The following BRD10 variants were observed in gnomAD, a reference collection of about 807,000 sequenced individuals.
BRD10 encodes bromodomain containing 10, also known as uncharacterized bromodomain-containing protein 10.
At chr9:5,999,425 T>C in the BRD10 span, among the ~76,000 whole-genome samples, 1 of 152,272 alleles carries the variant, frequency 6.6e-6, no homozygotes, top group East Asian at 1.9e-4. Flanking sequence ...GCAATACTTT[T>C]AACTCGGAAG....
At chr9:5,980,367 A>G in the BRD10 span, among the ~76,000 whole-genome samples, 9 of 152,206 alleles carry the variant, frequency 5.9e-5, no homozygotes, top group Non-Finnish European at 8.8e-5. Context: ...TCTGTTCAAC[A>G]GGCCATCACT....
chr9:5,956,851 A>C, the BRD10 span, among the ~76,000 whole-genome samples: 1 of 152,112 alleles, frequency 6.6e-6, no homozygotes, highest in Non-Finnish European at 1.5e-5. Context: ...ATTATTGGTG[A>C]CAGAAATCAC....
the BRD10 span, among the ~76,000 whole-genome samples, chr9:5,901,824 A>G: frequency 6.6e-5 from 10 of 152,164 alleles, no homozygotes; most frequent in African/African-American, 2.2e-4. Flanking sequence ...GCCTGGCCTG[A>G]TTTCTCAATA....
At chr9:5,984,443 AAAC>A in the BRD10 span, among the ~76,000 whole-genome samples, 2 of 152,226 alleles carry the variant, frequency 1.3e-5, no homozygotes, top group South Asian at 2.1e-4. Flanking sequence ...TGAAAAAATA[AAAC>A]AACGAGGCAG....
the BRD10 span, among the ~76,000 whole-genome samples, chr9:5,897,086 T>A: frequency 1.3e-4 from 20 of 152,228 alleles, no homozygotes; most frequent in African/African-American, 4.6e-4. Context: ...GTGTCTACCC[T>A]CCAGTGTTGA....
At chr9:5,925,054 A>C in the BRD10 span, among the ~76,000 whole-genome samples, 1 of 152,160 alleles carries the variant, frequency 6.6e-6, no homozygotes, top group East Asian at 1.9e-4. Flanking sequence ...AGAAACTTGA[A>C]ACTTAAAAAA....
At chr9:5,918,815 CAA>C in the BRD10 span, among the ~76,000 whole-genome samples, 2,881 of 104,848 alleles carry the variant, frequency 0.027, 67 homozygotes, top group African/African-American at 0.078. Flanking sequence ...ACAGGTGAGT[CAA>C]AAAAAAAAAA....
At chr9:5,901,491 T>G in the BRD10 span, among the ~76,000 whole-genome samples, 1 of 152,212 alleles carries the variant, frequency 6.6e-6, no homozygotes, top group Non-Finnish European at 1.5e-5. Flanking sequence ...TCTTCTTTAG[T>G]CTATTGATGT....
At chr9:5,922,473 G>C in the BRD10 span, 2 of 1,613,998 alleles carry the variant, frequency 1.2e-6, no homozygotes, top group South Asian at 2.2e-5. Context: ...TTTGATAAAG[G>C]TGTAATTGTT....
the BRD10 span, among the ~76,000 whole-genome samples, chr9:5,939,590 G>T: frequency 6.6e-6 from 1 of 152,144 alleles, no homozygotes; most frequent in African/African-American, 2.4e-5. Context: ...TCTCTATGAT[G>T]GGATCTGGTA....
the BRD10 span, among the ~76,000 whole-genome samples, chr9:5,927,767 G>C: frequency 6.6e-6 from 1 of 152,022 alleles, no homozygotes; most frequent in Non-Finnish European, 1.5e-5. Flanking sequence ...CTCCTTCAAA[G>C]TCTCTTCTAC....
At chr9:5,887,549 A>G in the BRD10 span, among the ~76,000 whole-genome samples, 1 of 152,192 alleles carries the variant, frequency 6.6e-6, no homozygotes, top group Admixed American at 6.5e-5. Flanking sequence ...CCAGGCTATT[A>G]TAGAACCCAG....
the BRD10 span, among the ~76,000 whole-genome samples, chr9:5,957,679 TTGGA>T: frequency 6.6e-5 from 10 of 152,150 alleles, no homozygotes; most frequent in Non-Finnish European, 7.4e-5. Flanking sequence ...TTTATTAGGG[TTGGA>T]TGATTTGTAC....
chr9:5,951,057 C>G, the BRD10 span, among the ~76,000 whole-genome samples: 488 of 150,896 alleles, frequency 3.2e-3, 3 homozygotes, highest in African/African-American at 0.012. Context: ...CACACACACA[C>G]ACACACACAC....
the BRD10 span, among the ~76,000 whole-genome samples, chr9:5,896,100 TG>T: frequency 6.6e-6 from 1 of 152,206 alleles, no homozygotes; most frequent in Non-Finnish European, 1.5e-5. Flanking sequence ...CAAATTCTGG[TG>T]CTCACTTGCT....
the BRD10 span, among the ~76,000 whole-genome samples, chr9:5,892,267 G>C: frequency 1.3e-5 from 2 of 152,140 alleles, no homozygotes; most frequent in African/African-American, 4.8e-5. Context: ...AGAAACCTGA[G>C]CTATTGCTAA....
chr9:5,966,455 CTTTTTTTTT>C, the BRD10 span, among the ~76,000 whole-genome samples: 3 of 83,750 alleles, frequency 3.6e-5, no homozygotes, highest in East Asian at 3.8e-4. Flanking sequence ...CTAACATTTC[CTTTTTTTTT>C]TTTTTTTTTT....
the BRD10 span, among the ~76,000 whole-genome samples, chr9:5,959,497 T>C: frequency 2.0e-5 from 3 of 152,152 alleles, no homozygotes; most frequent in South Asian, 2.1e-4. Flanking sequence ...GTGCCTGGCA[T>C]ACAATAAGCA....
At chr9:5,997,291 C>G in the BRD10 span, among the ~76,000 whole-genome samples, 128 of 152,320 alleles carry the variant, frequency 8.4e-4, 1 homozygote, top group African/African-American at 2.9e-3. Context: ...AAGAATACCA[C>G]TCTTATTCCC....
Sources: gnomAD v4.1 joint callset for allele counts (sites outside exome capture counted in the v4.1 genomes callset) on GRCh38, gnomAD v4.1.1 for gene constraint, MANE v1.5 for transcripts, NCBI Gene and HGNC (gene_info 2026-07-23, HGNC 2026-07-21) for gene names.